Variants in ADAMTSL1 observed in about 807,000 individuals in gnomAD.
ADAMTSL1 encodes the protein ADAMTS-like protein 1.
ADAMTSL1 carries 126 observed loss-of-function variants against 201.8 expected under a neutral mutation model. The ratio of observed to expected loss-of-function variants is 0.62; its 90% confidence interval spans 0.54 to 0.72. The LOEUF (loss-of-function observed/expected upper bound fraction) is 0.72, where lower values mean the gene tolerates loss of function less well. Among genes scored for constraint, ADAMTSL1 ranks in the 30% least tolerant of loss-of-function variants. The pLI is 0.00. For synonymous variants in ADAMTSL1, 1,121 were observed against 903.4 expected (o/e 1.24, Z -4.32); for missense variants, 2,679 against 2,277.8 (o/e 1.18, Z -3.59).
intron 14 of ADAMTSL1, among the ~76,000 whole-genome samples, chr9:18,714,739 C>G (rs528569564): frequency 1.3e-5 from 2 of 152,178 alleles, no homozygotes; most frequent in Non-Finnish European, 2.9e-5. Flanking sequence ...TCCTCCCTAA[C>G]TCATTTGATG....
At chr9:18,816,931 A>G (rs1823893324) in intron 20 of ADAMTSL1, among the ~76,000 whole-genome samples, 178 bp from the exon 21 acceptor site, 1 of 152,042 alleles carries the variant, frequency 6.6e-6, no homozygotes, top group Admixed American at 6.6e-5. Flanking sequence ...ACACTGCGGT[A>G]GGTAGGTAGG....
intron 2 of ADAMTSL1, among the ~76,000 whole-genome samples, chr9:18,287,520 T>C (rs768689654): frequency 6.6e-6 from 1 of 151,488 alleles, no homozygotes; most frequent in African/African-American, 2.4e-5. Context: ...ATATGTAATA[T>C]ATTTACATAT....
chr9:18,898,263 G>T (rs1049057228), intron 26 of ADAMTSL1, among the ~76,000 whole-genome samples: 1 of 152,180 alleles, frequency 6.6e-6, no homozygotes, highest in South Asian at 2.1e-4. Context: ...AAGAAGCCGA[G>T]AATCACAATA....
intron 2 of ADAMTSL1, among the ~76,000 whole-genome samples, chr9:18,427,888 C>G (rs1819296791): frequency 6.6e-6 from 1 of 152,208 alleles, no homozygotes; most frequent in Non-Finnish European, 1.5e-5. Context: ...TGACTGTGTT[C>G]AAACGGATGT....
At chr9:17,986,206 T>C (rs1438535595) in intron 1 of ADAMTSL1, among the ~76,000 whole-genome samples, 2 of 152,174 alleles carry the variant, frequency 1.3e-5, no homozygotes, top group Admixed American at 6.6e-5. Context: ...AGAATGCCAG[T>C]CCCGTATCCC....
At chr9:18,716,253 A>G (rs1832922497) in intron 14 of ADAMTSL1, among the ~76,000 whole-genome samples, 1 of 152,082 alleles carries the variant, frequency 6.6e-6, no homozygotes, top group South Asian at 2.1e-4. Flanking sequence ...TAATTAAACT[A>G]AAGAGCTTCT....
chr9:18,642,742 A>G (rs1827531993), intron 7 of ADAMTSL1, among the ~76,000 whole-genome samples: 1 of 151,932 alleles, frequency 6.6e-6, no homozygotes, highest in Non-Finnish European at 1.5e-5. Flanking sequence ...GTTCATCCAC[A>G]TTGTCACAAT....
intron 14 of ADAMTSL1, among the ~76,000 whole-genome samples, chr9:18,712,099 A>G (rs1308865334): frequency 1.3e-5 from 2 of 151,210 alleles, no homozygotes; most frequent in Non-Finnish European, 3.0e-5. Context: ...CCATCTGTAC[A>G]TCACCATCAT....
At chr9:18,112,856 A>G (rs1825085687) in intron 1 of ADAMTSL1, among the ~76,000 whole-genome samples, 1 of 152,150 alleles carries the variant, frequency 6.6e-6, no homozygotes, top group South Asian at 2.1e-4. Context: ...AGAGCTTAAT[A>G]CCTATTAGTT....
At chr9:18,478,407 G>A (rs372628127) in intron 1 of ADAMTSL1, among the ~76,000 whole-genome samples, 5 of 152,008 alleles carry the variant, frequency 3.3e-5, no homozygotes, top group South Asian at 2.1e-4. Flanking sequence ...TGCTTTTCCC[G>A]AAGCACCTAG....
chr9:17,978,375 CT>C (rs1302626356), intron 1 of ADAMTSL1, among the ~76,000 whole-genome samples: 1 of 151,354 alleles, frequency 6.6e-6, no homozygotes, highest in African/African-American at 2.4e-5. Flanking sequence ...TTATTTTTTC[CT>C]TTTTTGCTGT....
chr9:18,341,889 A>G (rs914851413), intron 2 of ADAMTSL1, among the ~76,000 whole-genome samples: 1 of 152,176 alleles, frequency 6.6e-6, no homozygotes. Context: ...ATTATGTTCA[A>G]TGAAAAACAA....
chr9:18,310,688 T>C (rs958834456), intron 2 of ADAMTSL1, among the ~76,000 whole-genome samples: 2 of 152,110 alleles, frequency 1.3e-5, no homozygotes, highest in Admixed American at 1.3e-4. Context: ...TGGCGATCAT[T>C]AAAAAGTCAG....
chr9:18,281,171 T>C (rs1435283200), intron 2 of ADAMTSL1, among the ~76,000 whole-genome samples: 2 of 152,146 alleles, frequency 1.3e-5, no homozygotes, highest in Admixed American at 6.5e-5. Context: ...GCAATGCAGA[T>C]ATAATAAGCA....
intron 2 of ADAMTSL1, among the ~76,000 whole-genome samples, chr9:18,297,864 A>G (rs989675650): frequency 3.5e-4 from 54 of 152,348 alleles, no homozygotes; most frequent in African/African-American, 1.3e-3. Flanking sequence ...GAACCCTTTG[A>G]ACCGCAGCAA....
At chr9:18,710,054 A>G (rs2133349348) in intron 14 of ADAMTSL1, among the ~76,000 whole-genome samples, 1 of 152,254 alleles carries the variant, frequency 6.6e-6, no homozygotes, top group East Asian at 1.9e-4. Flanking sequence ...AACTTCTCAC[A>G]TCGTGCCTGC....
At chr9:18,188,554 A>G (rs968477450) in intron 2 of ADAMTSL1, among the ~76,000 whole-genome samples, 10 of 152,064 alleles carry the variant, frequency 6.6e-5, no homozygotes, top group Non-Finnish European at 1.5e-4. Context: ...CTGGAAGACA[A>G]CTCTTAGAGG....
At chr9:18,081,704 A>C (rs2131775734) in intron 1 of ADAMTSL1, among the ~76,000 whole-genome samples, 1 of 152,328 alleles carries the variant, frequency 6.6e-6, no homozygotes, top group African/African-American at 2.4e-5. Flanking sequence ...CCTCTCCCAA[A>C]CCAAGGAACA....
At chr9:18,121,326 AC>A (rs1461804688) in intron 1 of ADAMTSL1, among the ~76,000 whole-genome samples, 1 of 152,168 alleles carries the variant, frequency 6.6e-6, no homozygotes, top group African/African-American at 2.4e-5. Flanking sequence ...AGTTACACCG[AC>A]AAAAAACTCA....
Sources: gnomAD v4.1 joint callset for allele counts (sites outside exome capture counted in the v4.1 genomes callset) on GRCh38, gnomAD v4.1.1 for gene constraint, MANE v1.5 for transcripts, NCBI Gene and HGNC (gene_info 2026-07-23, HGNC 2026-07-21) for gene names.